Variants in CFAP54 observed in about 807,000 individuals in gnomAD.
The protein encoded by CFAP54 is cilia- and flagella-associated protein 54.
CFAP54 carries 290 observed loss-of-function variants against 370.4 expected under a neutral mutation model. The ratio of observed to expected loss-of-function variants is 0.78; its 90% confidence interval spans 0.71 to 0.86. CFAP54 has a LOEUF of 0.86. Among genes scored for constraint, CFAP54 ranks in the 40% least tolerant of loss-of-function variants. The pLI is 0.00. For synonymous variants in CFAP54, 1,206 were observed against 1,236.5 expected (o/e 0.98, Z 0.52); for missense variants, 3,399 against 3,528.7 (o/e 0.96, Z 0.93).
chr12:96,793,073 G>A (rs1958719785), intron 63 of CFAP54, among the ~76,000 whole-genome samples: 1 of 151,444 alleles, frequency 6.6e-6, no homozygotes, highest in South Asian at 2.1e-4. Context: ...ATTTCAATAG[G>A]TTTTTGAGGA....
At chr12:96,673,409 CTT>C (rs1269969215) in intron 39 of CFAP54, among the ~76,000 whole-genome samples, 1 of 152,142 alleles carries the variant, frequency 6.6e-6, no homozygotes, top group Non-Finnish European at 1.5e-5. Context: ...AAGACAGACA[CTT>C]TATTCTGACT....
At chr12:96,533,118 A>G (rs548731971) in intron 9 of CFAP54, among the ~76,000 whole-genome samples, 15 of 151,650 alleles carry the variant, frequency 9.9e-5, no homozygotes, top group African/African-American at 3.1e-4. Context: ...ACTTTCAGTT[A>G]CTTTTCTTTT....
intron 66 of CFAP54, among the ~76,000 whole-genome samples, chr12:96,849,995 A>G (rs1425177719): frequency 6.6e-6 from 1 of 152,110 alleles, no homozygotes; most frequent in Admixed American, 6.5e-5. Context: ...GATATTTACA[A>G]CAAGCAAGCA....
intron 50 of CFAP54, among the ~76,000 whole-genome samples, chr12:96,736,006 A>G (rs1324261111): frequency 6.6e-6 from 1 of 152,244 alleles, no homozygotes. Context: ...AGGCATGTTA[A>G]TTATGCCCAT....
At chr12:96,736,881 C>T (rs1289910036) in intron 50 of CFAP54, among the ~76,000 whole-genome samples, 1 of 152,140 alleles carries the variant, frequency 6.6e-6, no homozygotes, top group African/African-American at 2.4e-5. Flanking sequence ...TGTGAAAAGA[C>T]AGAGATGGTG....
intron 39 of CFAP54, among the ~76,000 whole-genome samples, chr12:96,667,850 A>C (rs1020366086): frequency 6.6e-6 from 1 of 152,122 alleles, no homozygotes; most frequent in Non-Finnish European, 1.5e-5. Flanking sequence ...GATTTTCCCA[A>C]TGTTTATGCT....
At chr12:96,551,252 T>G (rs541057769) in intron 15 of CFAP54, among the ~76,000 whole-genome samples, 6 of 152,154 alleles carry the variant, frequency 3.9e-5, no homozygotes, top group East Asian at 1.9e-4. Context: ...TGAGACCCTG[T>G]TGCATAACAA....
intron 60 of CFAP54, among the ~76,000 whole-genome samples, chr12:96,774,126 C>A (rs1166713237): frequency 6.6e-6 from 1 of 151,950 alleles, no homozygotes; most frequent in Non-Finnish European, 1.5e-5. Flanking sequence ...TTTGTGAACT[C>A]TCTGCTCATA....
chr12:96,783,913 G>T (rs2136692677), intron 60 of CFAP54, among the ~76,000 whole-genome samples: 1 of 152,112 alleles, frequency 6.6e-6, no homozygotes, highest in Non-Finnish European at 1.5e-5. Context: ...AGAAAAGTAA[G>T]AGTCAGAAAA....
intron 50 of CFAP54, among the ~76,000 whole-genome samples, chr12:96,732,688 C>T (rs1957934685): frequency 6.6e-6 from 1 of 152,076 alleles, no homozygotes; most frequent in Admixed American, 6.5e-5. Context: ...TAAAGAGGTG[C>T]TGAGAATAAA....
intron 63 of CFAP54, among the ~76,000 whole-genome samples, chr12:96,799,606 C>T (rs1052889316): frequency 6.6e-6 from 1 of 152,200 alleles, no homozygotes; most frequent in Admixed American, 6.5e-5. Context: ...TTATAATTCT[C>T]TTCCTATCCA....
At chr12:96,795,160 A>G (rs1361648571) in intron 63 of CFAP54, among the ~76,000 whole-genome samples, 3 of 152,100 alleles carry the variant, frequency 2.0e-5, no homozygotes, top group Non-Finnish European at 4.4e-5. Flanking sequence ...AGTGAAGTGG[A>G]TTCTGTGAAG....
rs368615141 is a variant in CFAP54, at chr12:96,720,400, C to T, written c.6805-5C>T. Reference sequence around the variant, plus strand: ...CTCACGTGATGTATGGTATCCTTTCCTTAGTCGATGTTACTGATGGAAGCT... The same window carrying T: ...CTCACGTGATGTATGGTATCCTTTCTTTAGTCGATGTTACTGATGGAAGCT... On this transcript the variant is annotated splice_polypyrimidine_tract_variant and splice_region_variant and intron_variant, in intron 49 of 67. Coordinates refer to ENST00000524981, the MANE Select transcript of CFAP54 (RefSeq NM_001306084.2). 2.7e-6 allele frequency: 4 copies of T among 1,482,118 alleles called. No individual in the cohort carries two copies. Among genetic ancestry groups the T allele is most frequent in the African/African-American group, 2.8e-5 (2 of 70,390 alleles). The allele number at this position is 1,482,118 out of a possible 1,614,324, so 91.8% of individuals were successfully genotyped here.
chr12:96,516,009 G>A (rs1955229446), intron 5 of CFAP54, among the ~76,000 whole-genome samples: 4 of 143,326 alleles, frequency 2.8e-5, no homozygotes, highest in African/African-American at 1.1e-4. Context: ...TCCACCTCCC[G>A]GGTTCACGCC....
intron 50 of CFAP54, among the ~76,000 whole-genome samples, chr12:96,739,170 GT>G (rs1395469122): frequency 1.3e-5 from 2 of 151,056 alleles, no homozygotes; most frequent in African/African-American, 2.4e-5. Flanking sequence ...CCTTCATCCA[GT>G]TTTTTTTTAA....
chr12:96,590,690 A>C (rs1040964281), intron 23 of CFAP54, among the ~76,000 whole-genome samples: 15 of 152,198 alleles, frequency 9.9e-5, no homozygotes, highest in African/African-American at 3.6e-4. Context: ...ACTTGTGGGG[A>C]TAAGAGAGAA....
At chr12:96,859,857 A>G (rs1959823978) in intron 66 of CFAP54, among the ~76,000 whole-genome samples, 3 of 152,218 alleles carry the variant, frequency 2.0e-5, no homozygotes, top group Admixed American at 2.0e-4. Context: ...ATCTGGAAGG[A>G]TACTCTCCAA....
chr12:96,517,836 G>C (rs1955254879), intron 5 of CFAP54, among the ~76,000 whole-genome samples: 1 of 152,214 alleles, frequency 6.6e-6, no homozygotes, highest in South Asian at 2.1e-4. Context: ...AGTTCCGTGA[G>C]GGATGGAAGT....
chr12:96,806,416 G>A (rs543445708), intron 63 of CFAP54, among the ~76,000 whole-genome samples: 3 of 150,926 alleles, frequency 2.0e-5, no homozygotes, highest in East Asian at 2.0e-4. Context: ...GAACTGAAAC[G>A]GTATTTGGAG....
Sources: allele counts gnomAD v4.1 joint callset (sites outside exome capture counted in the v4.1 genomes callset), GRCh38; gene constraint gnomAD v4.1.1; transcripts MANE v1.5; gene names NCBI Gene and HGNC (gene_info 2026-07-23, HGNC 2026-07-21).